CYP7B1: variants seen among roughly 807,000 people sequenced by gnomAD.
CYP7B1 encodes cytochrome P450 family 7 subfamily B member 1.
CYP7B1 carries 29 observed loss-of-function variants against 42.7 expected under a neutral mutation model. The observed-to-expected ratio is 0.68, with a 90% confidence interval of 0.51 to 0.93. The LOEUF is 0.93. Ranked by LOEUF, CYP7B1 falls within the 40% of genes least tolerant of loss-of-function variation. The pLI is 0.00. For missense variants in CYP7B1, 655 were observed against 600.5 expected, an observed-to-expected ratio of 1.09 and a Z score of -0.95; for synonymous variants, 235 against 218.2, an observed-to-expected ratio of 1.08 and a Z score of -0.68.
Position 64,590,978 on chromosome 8 carries a change from A to G in CYP7B1, c.*5664T>C, listed in dbSNP as rs1324071340. On this transcript the variant is annotated 3_prime_UTR_variant, in exon 6 of 6. Transcript: ENST00000310193. Reference sequence around the variant, plus strand: ...AATTTGATTCATTGTAAATCCACATATATGTCATTTTAAAATCAAAGATAA... The same window carrying G: ...AATTTGATTCATTGTAAATCCACATGTATGTCATTTTAAAATCAAAGATAA... Among the ~76,000 whole-genome samples the G allele has an allele frequency of 2.6e-5, 4 of 152,158 alleles. No individual in the cohort carries two copies. Among genetic ancestry groups the G allele is most frequent in the African/African-American group, 9.6e-5 (4 of 41,460 alleles).
intron 1 of CYP7B1, among the ~76,000 whole-genome samples, chr8:64,683,724 A>G (rs1806575260): frequency 6.6e-6 from 1 of 152,136 alleles, no homozygotes; most frequent in Non-Finnish European, 1.5e-5. Context: ...ATAAATATAT[A>G]CACCTACTAT....
intron 1 of CYP7B1, among the ~76,000 whole-genome samples, chr8:64,661,411 G>T (rs539864541): frequency 1.3e-5 from 2 of 152,016 alleles, no homozygotes; most frequent in African/African-American, 2.4e-5. Flanking sequence ...ACTTTGGTGC[G>T]ATTTACTGTC....
intron 1 of CYP7B1, among the ~76,000 whole-genome samples, chr8:64,627,835 A>C (rs898743692): frequency 6.6e-6 from 1 of 152,240 alleles, no homozygotes; most frequent in African/African-American, 2.4e-5. Flanking sequence ...CTTATGACCC[A>C]TTGAAGATAG....
intron 1 of CYP7B1, among the ~76,000 whole-genome samples, chr8:64,707,947 GA>G (rs1204625815): frequency 6.6e-6 from 1 of 152,104 alleles, no homozygotes; most frequent in Non-Finnish European, 1.5e-5. Flanking sequence ...ACTACCCTGA[GA>G]ATTAGAAGTG....
intron 1 of CYP7B1, among the ~76,000 whole-genome samples, chr8:64,778,880 T>C (rs1804370435): frequency 6.6e-6 from 1 of 152,068 alleles, no homozygotes; most frequent in East Asian, 1.9e-4. Context: ...AGTAAGCAAG[T>C]GGATGCAATA....
At chr8:64,705,232 G>A (rs1463740980) in intron 1 of CYP7B1, among the ~76,000 whole-genome samples, 12 of 151,712 alleles carry the variant, frequency 7.9e-5, no homozygotes, top group Non-Finnish European at 1.2e-4. Context: ...AAAAAGGTGG[G>A]GGGGGGAATC....
intron 1 of CYP7B1, among the ~76,000 whole-genome samples, chr8:64,650,277 T>C (rs1362101057): frequency 6.6e-6 from 1 of 152,212 alleles, no homozygotes; most frequent in Non-Finnish European, 1.5e-5. Flanking sequence ...AATCAAATAA[T>C]ATACAGATTA....
intron 2 of CYP7B1, among the ~76,000 whole-genome samples, chr8:64,620,186 T>TA (rs749584498): frequency 1.3e-5 from 2 of 152,092 alleles, no homozygotes. Flanking sequence ...AACCTATCTC[T>TA]AAAAAAAGAA....
chr8:64,628,449 C>T (rs1225635071), intron 1 of CYP7B1, among the ~76,000 whole-genome samples: 1 of 151,956 alleles, frequency 6.6e-6, no homozygotes, highest in Non-Finnish European at 1.5e-5. Context: ...AGTTGGAGAC[C>T]AGCCTGATCA....
chr8:64,731,750 G>A lies in CYP7B1; in HGVS notation c.122+66716C>T, dbSNP rs182777686. ...AGGAAAAAATGGTTTCATTCACCAT[G>A]TCTTTAGATTTGGTGACATGGTGTC... On this transcript the variant is annotated intron_variant, in intron 1 of 5. Transcript: ENST00000310193. Among the ~76,000 whole-genome samples, 4 of 152,340 alleles carry A rather than the reference G, an allele frequency of 2.6e-5. No homozygotes were observed. The East Asian group carries it at 7.7e-4, about 29-fold the overall frequency.
chr8:64,697,558 C>T (rs913715368), intron 1 of CYP7B1, among the ~76,000 whole-genome samples: 3 of 152,118 alleles, frequency 2.0e-5, no homozygotes, highest in Admixed American at 2.0e-4. Context: ...AATAAGAACT[C>T]ACCTGGAGGG....
At chr8:64,622,655 C>T (rs1243995972) in intron 2 of CYP7B1, among the ~76,000 whole-genome samples, 2 of 151,904 alleles carry the variant, frequency 1.3e-5, no homozygotes, top group African/African-American at 4.8e-5. Context: ...TAGAGGGGAA[C>T]CTTAAGCATG....
intron 1 of CYP7B1, among the ~76,000 whole-genome samples, chr8:64,631,256 A>G (rs1043347261): frequency 6.6e-6 from 1 of 152,230 alleles, no homozygotes; most frequent in Non-Finnish European, 1.5e-5. Context: ...AGTGGAATTT[A>G]CGCCAGGTAT....
intron 1 of CYP7B1, chr8:64,728,786 G>A (rs962967299): frequency 3.9e-5 from 6 of 152,120 alleles, no homozygotes; most frequent in Admixed American, 2.0e-4. Context: ...AAATGTTCAA[G>A]AAATTTCTGC....
At position 64,798,645 on chromosome 8, in the gene CYP7B1, G is replaced by C; in HGVS notation, c.-58C>G. On this transcript the variant is annotated 5_prime_UTR_variant, in exon 1 of 6. Coordinates refer to ENST00000310193, the MANE Select transcript of CYP7B1 (RefSeq NM_004820.5). ...GGGTCTGCCTGCGAACAGCGCGGTC[G>C]GCGACTCTGCAGCCTGCGGCGGCTT... 2.8e-6 allele frequency: 4 copies of C among 1,434,888 alleles called. No individual in the cohort carries two copies. The highest frequency in any genetic ancestry group is 3.6e-6 in the Non-Finnish European group (4 of 1,102,692). The allele number at this position is 1,434,888 out of a possible 1,614,324, so 88.9% of individuals were successfully genotyped here. A position where few individuals can be genotyped will look rare whatever the true frequency, so the allele number is the denominator to read the frequency against.
At chr8:64,662,716 A>G (rs888981535) in intron 1 of CYP7B1, among the ~76,000 whole-genome samples, 2 of 152,234 alleles carry the variant, frequency 1.3e-5, no homozygotes, top group Non-Finnish European at 2.9e-5. Context: ...AGTTTCAGCT[A>G]TGTGGTTACA....
At position 64,596,933 on chromosome 8, in the gene CYP7B1, T is replaced by A; in HGVS notation, c.1234-4A>T. The A allele has an allele frequency of 6.2e-7, 1 of 1,601,090 alleles. No individual in the cohort carries two copies. The highest frequency in any genetic ancestry group is 8.5e-7 in the Non-Finnish European group (1 of 1,170,476). On this transcript the variant is annotated splice_region_variant and splice_polypyrimidine_tract_variant and intron_variant, in intron 5 of 5. Coordinates refer to ENST00000310193, the MANE Select transcript of CYP7B1 (RefSeq NM_004820.5). ...TAAAACGATCATATCTAAACTCCTG[T>A]AAGGAAGAATAGTGTTAAAATTAAC...
chr8:64,734,101 G>A (rs561367349), intron 1 of CYP7B1, among the ~76,000 whole-genome samples: 1 of 152,184 alleles, frequency 6.6e-6, no homozygotes, highest in Non-Finnish European at 1.5e-5. Context: ...TAGTGTATAT[G>A]TATTTATGTG....
intron 1 of CYP7B1, among the ~76,000 whole-genome samples, chr8:64,678,351 A>G (rs1477472652): frequency 6.6e-6 from 1 of 152,062 alleles, no homozygotes; most frequent in Non-Finnish European, 1.5e-5. Flanking sequence ...CCATACTTAG[A>G]GAGGCATATA....
Sources: allele counts gnomAD v4.1 joint callset (sites outside exome capture counted in the v4.1 genomes callset), GRCh38; gene constraint gnomAD v4.1.1; transcripts MANE v1.5; gene names NCBI Gene and HGNC (gene_info 2026-07-23, HGNC 2026-07-21).